DNAH11: variants seen among roughly 807,000 people sequenced by gnomAD.
DNAH11 encodes the protein dynein axonemal heavy chain 11, also known as axonemal beta dynein heavy chain 11.
Under a neutral mutation model 526.0 loss-of-function variants are expected in DNAH11, and 442 were observed. The ratio of observed to expected loss-of-function variants is 0.84; its 90% CI spans 0.78 to 0.91. DNAH11 has a LOEUF of 0.91. DNAH11 is among the 40% of genes least tolerant of loss of function. The pLI is 0.00. For synonymous variants in DNAH11, 2,461 were observed against 1,935.9 expected (o/e 1.27, Z -7.12); for missense variants, 6,989 against 5,448.7 (o/e 1.28, Z -8.90).
Position 21,564,316 on chromosome 7 carries a change from C to G in DNAH11, c.1113C>G (p.Ile371Met), listed in dbSNP as rs764398699. The G allele has an allele frequency of 4.3e-6, 7 of 1,613,652 alleles. No homozygotes were observed. Among genetic ancestry groups the G allele is most frequent in the Middle Eastern group, 1.7e-4 (1 of 6,044 alleles). The change falls in exon 6 of 82, where the codon ATC becomes ATG. Residue 371 changes from isoleucine (I) to methionine (M), a missense_variant. Transcript: ENST00000409508. ...CATTATTTCATACCATCTGTCTGAT[C>G]TGGAGTCATTCCAAGTTTTATAACA... ...IAPLFHTICL[I>M]WSHSKFYNTP...
chr7:21,654,489 G>T (rs1331076517), intron 28 of DNAH11, among the ~76,000 whole-genome samples: 1 of 152,134 alleles, frequency 6.6e-6, no homozygotes, highest in African/African-American at 2.4e-5. Flanking sequence ...TTCATCATTT[G>T]ATGGACATTT....
Position 21,617,741 on chromosome 7 carries a change from G to A in DNAH11, c.4218G>A (p.Arg1406=), listed in dbSNP as rs1016300664. ...CAGAGTTACAGAGCCCTGCCCTCAGGGACAGGCATTGGCACCAGCTGATGA... is the reference window on the plus strand; with the variant it reads ...CAGAGTTACAGAGCCCTGCCCTCAGAGACAGGCATTGGCACCAGCTGATGA... ...AITELQSPAL[R]DRHWHQLMKA... is the part of the protein sequence containing the mutation. Residue 1406 remains arginine, a synonymous_variant, in exon 23 of 82, where the codon AGG becomes AGA. Transcript: ENST00000409508. The A allele has an allele frequency of 1.2e-6, 2 of 1,609,072 alleles. No individual in the cohort carries two copies. The highest frequency in any genetic ancestry group is 1.3e-5 in the African/African-American group (1 of 74,782).
At chr7:21,818,484 A>T in intron 65 of DNAH11, 145 bp downstream of exon 65, 1 of 757,626 alleles carries the variant, frequency 1.3e-6, no homozygotes, top group South Asian at 2.1e-5. Context: ...CCAAGACCAA[A>T]GCAACTGCAA....
intron 54 of DNAH11, among the ~76,000 whole-genome samples, chr7:21,761,026 A>T (rs1003990985): frequency 4.6e-5 from 7 of 152,188 alleles, no homozygotes; most frequent in African/African-American, 1.7e-4. Context: ...AATTATTTGG[A>T]ATGATTTTTC....
At chr7:21,578,673 G>T (rs1247961354) in intron 8 of DNAH11, among the ~76,000 whole-genome samples, 1 of 152,200 alleles carries the variant, frequency 6.6e-6, no homozygotes, top group African/African-American at 2.4e-5. Flanking sequence ...CATGAGAGCT[G>T]TGCTCCTGCA....
At chr7:21,553,070 A>ATTTTTTTTTTT (rs35121910) in intron 2 of DNAH11, among the ~76,000 whole-genome samples, 4 of 66,768 alleles carry the variant, frequency 6.0e-5, no homozygotes, top group African/African-American at 2.2e-4. Flanking sequence ...TATAAATGGG[A>ATTTTTTTTTTT]TTTTTTTTTT....
chr7:21,735,576 CCT>C lies in DNAH11; in HGVS notation c.7441-56_7441-55del, dbSNP rs1261335308. ...GAGTTTGATATAAAATTTTGGAATG[CCT>C]CTCTCTCGCACGCACTCTCTCTCTC... On this transcript the variant is annotated intron_variant, in intron 45 of 81. Transcript: ENST00000409508. 2.3e-4 allele frequency: 324 copies of C among 1,439,588 alleles called. 1 individual carries two copies. In the South Asian group the frequency reaches 3.1e-3, roughly 14 times the overall value. The allele number at this position is 1,439,588 out of a possible 1,614,324, so 89.2% of individuals were successfully genotyped here.
intron 30 of DNAH11, among the ~76,000 whole-genome samples, chr7:21,664,570 C>G (rs911191236): frequency 7.2e-5 from 11 of 152,052 alleles, no homozygotes; most frequent in African/African-American, 2.6e-4. Flanking sequence ...GCAAACCTCC[C>G]GCCTCATGTT....
chr7:21,856,070 G>A (rs1307301947), intron 68 of DNAH11, among the ~76,000 whole-genome samples: 3 of 152,148 alleles, frequency 2.0e-5, no homozygotes, highest in Non-Finnish European at 4.4e-5. Flanking sequence ...CAGGTAGTGA[G>A]TGAATTTCTG....
chr7:21,792,822 A>G (rs1788534731), intron 61 of DNAH11, among the ~76,000 whole-genome samples: 2 of 151,988 alleles, frequency 1.3e-5, no homozygotes, highest in Admixed American at 1.3e-4. Flanking sequence ...TATCTTTTGA[A>G]AAAATGAACT....
chr7:21,613,036 G>A (rs1203645588), intron 20 of DNAH11, among the ~76,000 whole-genome samples: 2 of 152,078 alleles, frequency 1.3e-5, no homozygotes, highest in East Asian at 1.9e-4. Context: ...ATACGATAGG[G>A]AACGTGAAAA....
intron 34 of DNAH11, among the ~76,000 whole-genome samples, chr7:21,687,915 A>G (rs1021555666): frequency 1.6e-4 from 24 of 152,124 alleles, no homozygotes; most frequent in African/African-American, 5.6e-4. Context: ...TTTAAAAATT[A>G]GCCAGGCATG....
Position 21,637,712 on chromosome 7 carries a change from A to G in DNAH11, c.4817+10A>G. ...AAGATTTACAGTCCAGGTAAGAATA[A>G]AGCTATATAAGATAATCAATTTACT... On this transcript the variant is annotated intron_variant, in intron 27 of 81. Transcript: ENST00000409508. The G allele has an allele frequency of 6.8e-7, 1 of 1,481,366 alleles. No homozygotes were observed. The highest frequency in any genetic ancestry group is 9.1e-7 in the Non-Finnish European group (1 of 1,093,936). The allele number at this position is 1,481,366 out of a possible 1,614,324, so 91.8% of individuals were successfully genotyped here.
intron 14 of DNAH11, among the ~76,000 whole-genome samples, chr7:21,594,742 G>C (rs745792083): frequency 1.1e-4 from 16 of 152,038 alleles, no homozygotes; most frequent in Non-Finnish European, 2.2e-4. Context: ...AAGTAAGTGT[G>C]GGGGGAGTAG....
chr7:21,635,381 C>CA (rs1198913553), intron 25 of DNAH11, among the ~76,000 whole-genome samples: 1 of 152,188 alleles, frequency 6.6e-6, no homozygotes, highest in Non-Finnish European at 1.5e-5. Flanking sequence ...TGGTCTCAAT[C>CA]TCCTGACCTC....
At chr7:21,789,076 C>T (rs1332753877) in intron 60 of DNAH11, among the ~76,000 whole-genome samples, 165 bp from the exon 61 acceptor site, 1 of 151,958 alleles carries the variant, frequency 6.6e-6, no homozygotes, top group Non-Finnish European at 1.5e-5. Flanking sequence ...ATCCTTTGAG[C>T]CCCAGAGTTT....
chr7:21,838,538 A>G (rs948563427), intron 65 of DNAH11, among the ~76,000 whole-genome samples: 3 of 152,116 alleles, frequency 2.0e-5, no homozygotes, highest in East Asian at 3.9e-4. Context: ...TGGACATTTC[A>G]CTAAGTGGAG....
At chr7:21,635,801 G>A in intron 25 of DNAH11, 70 bp from the exon 26 acceptor site, 1 of 1,279,880 alleles carries the variant, frequency 7.8e-7, no homozygotes, top group Non-Finnish European at 1.1e-6. Flanking sequence ...AGTAGATATA[G>A]TGCCTCCCTC....
At chr7:21,674,909 A>G (rs1782810115) in intron 30 of DNAH11, among the ~76,000 whole-genome samples, 1 of 152,164 alleles carries the variant, frequency 6.6e-6, no homozygotes, top group Admixed American at 6.5e-5. Flanking sequence ...TCACACTAGA[A>G]GCCCGCTTGA....
Sources: gnomAD v4.1 joint callset for allele counts (sites outside exome capture counted in the v4.1 genomes callset) on GRCh38, gnomAD v4.1.1 for gene constraint, MANE v1.5 for transcripts, NCBI Gene and HGNC (gene_info 2026-07-23, HGNC 2026-07-21) for gene names.